The following HPSE2 variants were observed in gnomAD, a reference collection of about 807,000 sequenced individuals.
HPSE2 encodes the protein inactive heparanase-2.
HPSE2 carries 38 observed loss-of-function variants against 60.5 expected under a neutral mutation model. The ratio of observed to expected loss-of-function variants is 0.63; its 90% CI spans 0.48 to 0.82. The LOEUF (loss-of-function observed/expected upper bound fraction) is 0.82. Ranked by LOEUF, HPSE2 falls within the 40% of genes least tolerant of loss-of-function variation. The pLI is 0.00. For synonymous variants in HPSE2, 295 were observed against 293.2 expected (o/e 1.01, Z -0.06); for missense variants, 713 against 740.4 (o/e 0.96, Z 0.43).
chr10:99,070,912 T>C lies in HPSE2; in HGVS notation c.610+73326A>G, dbSNP rs565579125. Among the ~76,000 whole-genome samples, 71 of 152,296 alleles carry C rather than the reference T, an allele frequency of 4.7e-4. No homozygotes were observed. The South Asian group carries it at 0.014, about 31-fold the overall frequency. On this transcript the variant is annotated intron_variant, in intron 3 of 11. Transcript: ENST00000370552. Reference sequence around the variant, plus strand: ...TATTCTTTGTCCATTCATCTACCCATCAATGGACATTTAGAGTGTTTCCAC... The same window carrying C: ...TATTCTTTGTCCATTCATCTACCCACCAATGGACATTTAGAGTGTTTCCAC...
chr10:98,519,950 G>T lies in HPSE2; in HGVS notation c.1321-29754C>A, dbSNP rs191704074. Among the ~76,000 whole-genome samples, 6 of 152,310 alleles carry T rather than the reference G, an allele frequency of 3.9e-5. No individual in the cohort carries two copies. The East Asian group carries it at 1.2e-3, about 29-fold the overall frequency. On this transcript the variant is annotated intron_variant, in intron 9 of 11. Transcript: ENST00000370552. ...AGCAACATACATGAGAGCCAAATTG[G>T]ATTCCTCCTTGGAAAATAAGCTACA...
intron 9 of HPSE2, among the ~76,000 whole-genome samples, chr10:98,513,834 T>C (rs1366801332): frequency 6.6e-6 from 1 of 152,140 alleles, no homozygotes; most frequent in Non-Finnish European, 1.5e-5. Flanking sequence ...AGCCACTAGG[T>C]AAAAGTTTGG....
At chr10:98,487,757 C>T (rs1367976840) in intron 10 of HPSE2, among the ~76,000 whole-genome samples, 2 of 152,228 alleles carry the variant, frequency 1.3e-5, no homozygotes, top group East Asian at 3.9e-4. Context: ...ATCCACCATG[C>T]CCACTCTGGG....
rs983203369 is a variant in HPSE2, at chr10:99,001,661, G to A, written c.610+142577C>T. 2.0e-5 allele frequency among the ~76,000 whole-genome samples: 3 copies of A among 152,086 alleles called. No homozygotes were observed. The East Asian group carries it at 5.8e-4, about 29-fold the overall frequency. On this transcript the variant is annotated intron_variant, in intron 3 of 11. Transcript: ENST00000370552. ...AATGCCAGGCAAGGAAACTGTAATG[G>A]CCAAAGGACCATAGCCACACAAACC...
the HPSE2 span, among the ~76,000 whole-genome samples, chr10:99,241,760 C>CA: frequency 2.0e-5 from 3 of 151,806 alleles, no homozygotes; most frequent in Non-Finnish European, 1.5e-5. Context: ...GACCTTATCT[C>CA]AAAAAAATAA....
chr10:99,089,935 A>G (rs1589638220), intron 3 of HPSE2, among the ~76,000 whole-genome samples: 1 of 152,154 alleles, frequency 6.6e-6, no homozygotes, highest in Middle Eastern at 3.4e-3. Context: ...TTCTGCAGCT[A>G]TTGTAAAAGG....
chr10:98,490,204 G>A lies in HPSE2; in HGVS notation c.1321-8C>T, dbSNP rs1281632234. On this transcript the variant is annotated splice_polypyrimidine_tract_variant and splice_region_variant and intron_variant, in intron 9 of 11. Coordinates refer to ENST00000370552, the MANE Select transcript of HPSE2 (RefSeq NM_021828.5). ...GAGAGAGAGCCAGTAGTCCTGAGGA[G>A]AATAGAGAGGGAGAGGGTCAGCGAG... 9 of 1,613,858 alleles carry A rather than the reference G, an allele frequency of 5.6e-6. No individual in the cohort carries two copies. Among genetic ancestry groups the A allele is most frequent in the Non-Finnish European group, 7.6e-6 (9 of 1,179,972 alleles).
intron 3 of HPSE2, among the ~76,000 whole-genome samples, chr10:99,102,764 C>T (rs1324195252): frequency 6.6e-6 from 1 of 152,164 alleles, no homozygotes; most frequent in Non-Finnish European, 1.5e-5. Flanking sequence ...TCCAGCAGCA[C>T]ATCAAAAAGC....
At chr10:98,635,322 A>C (rs973124427) in intron 7 of HPSE2, among the ~76,000 whole-genome samples, 8 of 152,228 alleles carry the variant, frequency 5.3e-5, no homozygotes, top group African/African-American at 1.9e-4. Flanking sequence ...AACAGTATGG[A>C]AGTTCCTCAA....
intron 5 of HPSE2, among the ~76,000 whole-genome samples, chr10:98,710,482 C>T (rs752305381): frequency 3.3e-5 from 5 of 152,064 alleles, no homozygotes; most frequent in Non-Finnish European, 5.9e-5. Context: ...CTTAAATATA[C>T]AGGAATTAAG....
chr10:99,293,138 A>C, the HPSE2 span, among the ~76,000 whole-genome samples: 3 of 152,242 alleles, frequency 2.0e-5, no homozygotes, highest in South Asian at 6.2e-4. Context: ...TACCACTCAC[A>C]CATACATCTA....
intron 11 of HPSE2, among the ~76,000 whole-genome samples, chr10:98,480,905 C>T (rs1264158432): frequency 6.6e-6 from 1 of 152,188 alleles, no homozygotes; most frequent in Non-Finnish European, 1.5e-5. Context: ...GAACTTTACA[C>T]AGATTACCTC....
intron 5 of HPSE2, among the ~76,000 whole-genome samples, chr10:98,696,287 T>G (rs1283624241): frequency 1.4e-5 from 1 of 71,064 alleles, no homozygotes; most frequent in African/African-American, 4.4e-5. Flanking sequence ...GATCAGAGGC[T>G]CCCATAAAAA....
At chr10:98,486,251 T>C (rs919520549) in intron 10 of HPSE2, among the ~76,000 whole-genome samples, 3 of 152,164 alleles carry the variant, frequency 2.0e-5, no homozygotes, top group Non-Finnish European at 2.9e-5. Context: ...GAGGAACATA[T>C]ATTCTCTGAC....
intron 9 of HPSE2, among the ~76,000 whole-genome samples, chr10:98,503,804 A>G (rs1298292302): frequency 6.6e-6 from 1 of 152,216 alleles, no homozygotes; most frequent in Admixed American, 6.5e-5. Flanking sequence ...GTGGGAGCTA[A>G]GGTATGAGGA....
At chr10:98,911,645 C>T (rs1953982135) in intron 3 of HPSE2, among the ~76,000 whole-genome samples, 1 of 152,072 alleles carries the variant, frequency 6.6e-6, no homozygotes, top group Non-Finnish European at 1.5e-5. Context: ...AGGGGTCCAG[C>T]TATAACCCGG....
intron 3 of HPSE2, among the ~76,000 whole-genome samples, chr10:98,980,814 A>G (rs939304692): frequency 2.6e-5 from 4 of 152,238 alleles, no homozygotes; most frequent in Non-Finnish European, 5.9e-5. Flanking sequence ...ATATTATTGC[A>G]TAGCTCAACT....
intron 5 of HPSE2, among the ~76,000 whole-genome samples, chr10:98,697,841 G>A (rs991080425): frequency 2.0e-4 from 30 of 152,124 alleles, no homozygotes; most frequent in Non-Finnish European, 3.8e-4. Context: ...AGAAGAGAGT[G>A]GGGGCCAATA....
the HPSE2 span, among the ~76,000 whole-genome samples, chr10:99,262,996 C>G: frequency 6.6e-6 from 1 of 152,158 alleles, no homozygotes; most frequent in African/African-American, 2.4e-5. Flanking sequence ...GGAATTCTTA[C>G]ACAAGAGCCA....
Sources: gnomAD v4.1 joint callset for allele counts (sites outside exome capture counted in the v4.1 genomes callset) on GRCh38, gnomAD v4.1.1 for gene constraint, MANE v1.5 for transcripts, NCBI Gene and HGNC (gene_info 2026-07-23, HGNC 2026-07-21) for gene names.